Variants in RGL3 observed in about 807,000 individuals in gnomAD.
The protein encoded by RGL3 is ral guanine nucleotide dissociation stimulator-like 3.
A neutral mutation model predicts 90.6 loss-of-function variants in RGL3; 85 were observed. The observed-to-expected ratio is 0.94, with a 90% CI of 0.79 to 1.12. RGL3 has a LOEUF of 1.12. Among genes scored for constraint, RGL3 ranks in the 50% most tolerant of loss-of-function variants. The probability of loss-of-function intolerance (pLI) is 0.00; values close to 1 mark genes in which losing one functional copy is unlikely to be tolerated. For missense variants in RGL3, 1,034 were observed against 939.2 expected (o/e 1.10, Z -1.32); for synonymous variants, 408 against 385.5 (o/e 1.06, Z -0.68).
intron 2 of RGL3, among the ~76,000 whole-genome samples, chr19:11,417,895 G>C (rs370728580): frequency 6.6e-6 from 1 of 152,122 alleles, no homozygotes; most frequent in African/African-American, 2.4e-5. Flanking sequence ...CACAATCATA[G>C]CTCACTGCAG....
In RGL3 at chr19:11,402,527, G is replaced by A; in HGVS notation, c.1257C>T (p.Gly419=). 6.2e-7 allele frequency: 1 copy of A among 1,606,382 alleles called. No individual in the cohort carries two copies. Among genetic ancestry groups the A allele is most frequent in the Admixed American group, 1.8e-5 (1 of 56,754 alleles). ...GGAAGGTGCCAAGGTAGGGGACAGG[G>A]CCTGGGGGTGGTTTCTGCAGCCCCC... The part of the protein sequence containing the change: ...PGSLPSKPPP[G]PVPYLGTFLT... Residue 419 remains glycine (G), a synonymous_variant, in exon 11 of 19, where the codon GGC becomes GGT. Transcript: ENST00000380456.
At chr19:11,417,352 G>A (rs1257266938) in intron 2 of RGL3, among the ~76,000 whole-genome samples, 1 of 150,528 alleles carries the variant, frequency 6.6e-6, no homozygotes, top group Non-Finnish European at 1.5e-5. Flanking sequence ...GTTTCACCAT[G>A]TTGGTCAGAC....
chr19:11,404,555 C>A (rs1376848078), intron 9 of RGL3, among the ~76,000 whole-genome samples: 3 of 150,706 alleles, frequency 2.0e-5, no homozygotes, highest in African/African-American at 7.5e-5. Context: ...AACAAAAAAA[C>A]AAATGATGAC....
At chr19:11,411,042 C>T (rs1968865483) in intron 5 of RGL3, among the ~76,000 whole-genome samples, 1 of 151,796 alleles carries the variant, frequency 6.6e-6, no homozygotes, top group Non-Finnish European at 1.5e-5. Context: ...AACCCCCTCA[C>T]TACTAAAAAT....
At chr19:11,397,706 T>G in intron 16 of RGL3, 109 bp from the exon 17 acceptor site, 1 of 1,144,410 alleles carries the variant, frequency 8.7e-7, no homozygotes, top group Non-Finnish European at 1.2e-6. Context: ...AGCCCCACAT[T>G]TAAAATCTCA....
rs1969010983 is a variant in RGL3, at chr19:11,416,912, T to C, written c.295A>G (p.Thr99Ala). 2 of 1,613,908 alleles carry C rather than the reference T, an allele frequency of 1.2e-6. No individual in the cohort carries two copies. Among genetic ancestry groups the C allele is most frequent in the East Asian group, 4.5e-5 (2 of 44,858 alleles). Reference protein sequence around the residue: ...DPSFMPAFLATYRTFVPTACL... With the variant: ...DPSFMPAFLAAYRTFVPTACL... ...GCAGTGGGTACAAAGGTCCGGTAGG[T>C]GGCCAGGAAGGCGGGCATGAAGCTG... The change falls in exon 3 of 19, where the codon ACC becomes GCC. Residue 99 changes from threonine to alanine, a missense_variant. By Grantham distance (58) the Thr-to-Ala change is moderately conservative. Coordinates refer to ENST00000380456, the MANE Select transcript of RGL3 (RefSeq NM_001035223.4).
intron 5 of RGL3, among the ~76,000 whole-genome samples, chr19:11,409,737 G>A (rs551504913): frequency 3.2e-4 from 49 of 152,166 alleles, no homozygotes; most frequent in Admixed American, 1.4e-3. Flanking sequence ...CTGTGCGTTC[G>A]TTGGTGCTTG....
chr19:11,406,564 GC>G lies in RGL3; in HGVS notation c.850del (p.Ala284LeufsTer18). On this transcript the variant is annotated frameshift_variant, in exon 7 of 19. Transcript: ENST00000380456. LOFTEE classifies it high-confidence loss of function. ...GCGCACAGTGGGGGAGGCGCCTGCA[GC>G]CCCCGGCCGGTCCCTCTGCGACCAC... ...SVWSQRDRPG[A>X]AGASPTVRAT... The G allele has an allele frequency of 1.3e-6, 2 of 1,550,484 alleles. No homozygotes were observed. The highest frequency in any genetic ancestry group is 8.7e-7 in the Non-Finnish European group (1 of 1,147,604).
chr19:11,405,221 A>AT lies in RGL3; in HGVS notation c.1110dup (p.Ser371IlefsTer13). ...ATCTGCGAAAGTTTCCTGAAAGTAG[A>AT]TAGCGGTTCCCTGGAAGGACAGGAG... is the stretch of plus-strand genomic sequence containing the variant. On this transcript the variant is annotated frameshift_variant, in exon 9 of 19. Transcript: ENST00000380456. LOFTEE classifies it high-confidence loss of function. 6.2e-7 allele frequency: 1 copy of AT among 1,614,098 alleles called. No individual in the cohort carries two copies.
intron 5 of RGL3, 130 bp downstream of exon 5, chr19:11,415,807 A>G: frequency 1.2e-6 from 1 of 844,390 alleles, no homozygotes; most frequent in Non-Finnish European, 1.8e-6. Flanking sequence ...GTAAAGATGA[A>G]GAAATTGAGG....
chr19:11,407,030 A>G lies in RGL3; in HGVS notation c.638-166T>C, dbSNP rs555254779. The G allele has an allele frequency of 3.4e-4, 212 of 630,468 alleles. 4 individuals are homozygous for G. The highest frequency in any genetic ancestry group is 2.3e-3 in the South Asian group (108 of 46,148). 39.1% of individuals were successfully genotyped at this position (630,468 alleles called of 1,614,324 possible). A position where few individuals can be genotyped will look rare whatever the true frequency, so the allele number is the denominator to read the frequency against. Reference sequence around the variant, plus strand: ...TGAGACAGTCTTACTCTGTTGCCCAAGCTGGAGTACAATGGCGCAATCTCA... The same window carrying G: ...TGAGACAGTCTTACTCTGTTGCCCAGGCTGGAGTACAATGGCGCAATCTCA... On this transcript the variant is annotated intron_variant, in intron 5 of 18. Coordinates refer to ENST00000380456, the MANE Select transcript of RGL3 (RefSeq NM_001035223.4).
intron 18 of RGL3, among the ~76,000 whole-genome samples, chr19:11,395,930 T>C (rs866391117): frequency 3.5e-4 from 47 of 134,316 alleles, no homozygotes; most frequent in African/African-American, 8.5e-4. Context: ...CCCGGCCCCC[T>C]TTTTTTTTTT....
chr19:11,410,808 G>A (rs1183116878), intron 5 of RGL3, among the ~76,000 whole-genome samples: 3 of 152,016 alleles, frequency 2.0e-5, no homozygotes, highest in Admixed American at 6.6e-5. Flanking sequence ...GAGGTAAGTC[G>A]AAAAGAATGT....
rs781284504 is a variant in RGL3 at position 11,397,495 on chromosome 19, T to C, written c.1849A>G (p.Ile617Val). 6.2e-7 allele frequency: 1 copy of C among 1,613,570 alleles called. No homozygotes were observed. Among genetic ancestry groups the C allele is most frequent in the Non-Finnish European group, 8.5e-7 (1 of 1,179,842 alleles). Residue 617 changes from isoleucine to valine, a missense_variant, in exon 17 of 19, where the codon ATC (isoleucine) becomes GTC (valine). Coordinates refer to ENST00000380456, the MANE Select transcript of RGL3 (RefSeq NM_001035223.4). Reference protein sequence around the residue: ...PAQQSSEARVIRVSIDNDHGN... With the variant: ...PAQQSSEARVVRVSIDNDHGN... Reference sequence around the variant, plus strand: ...TGGTCATTGTCGATGCTGACGCGGATGACACGGGCCTCCGAGCTCTGCTGC... The same window carrying C: ...TGGTCATTGTCGATGCTGACGCGGACGACACGGGCCTCCGAGCTCTGCTGC...
Position 11,394,324 on chromosome 19 carries a change from G to A in RGL3, c.*78C>T, listed in dbSNP as rs1599425744. ...GATACACAGCACAGTGGCCTCTACT[G>A]GGGGATGGCAGCTTTCCAGGAGAAG... On this transcript the variant is annotated 3_prime_UTR_variant, in exon 19 of 19. Coordinates refer to ENST00000380456, the MANE Select transcript of RGL3 (RefSeq NM_001035223.4). The A allele has an allele frequency of 9.1e-7, 1 of 1,097,106 alleles. No individual in the cohort carries two copies. The highest frequency in any genetic ancestry group is 1.4e-6 in the Non-Finnish European group (1 of 710,704). The allele number at this position is 1,097,106 out of a possible 1,614,324, so 68.0% of individuals were successfully genotyped here. A position where few individuals can be genotyped will look rare whatever the true frequency, so the allele number is the denominator to read the frequency against.
intron 2 of RGL3, among the ~76,000 whole-genome samples, chr19:11,417,834 GT>G (rs905362294): frequency 2.0e-5 from 3 of 151,384 alleles, no homozygotes; most frequent in African/African-American, 2.4e-5. Flanking sequence ...GTTTTGGTTT[GT>G]TTTTTTTAGA....
In RGL3 at chr19:11,418,814, A is replaced by G. The variant is rs571176848; in HGVS notation, c.34-30T>C. On this transcript the variant is annotated intron_variant, in intron 1 of 18. Transcript: ENST00000380456. ...ACGCACAGGCGGACTCAGGGCACCAAAGGGGCACAGGTCCTGGGGCCTCAG... is the reference window on the plus strand; with the variant it reads ...ACGCACAGGCGGACTCAGGGCACCAGAGGGGCACAGGTCCTGGGGCCTCAG... The G allele has an allele frequency of 4.7e-5, 71 of 1,517,554 alleles. 1 individual carries two copies. In the South Asian group the frequency reaches 7.8e-4, roughly 17 times the overall value. The allele number at this position is 1,517,554 out of a possible 1,614,324, so 94.0% of individuals were successfully genotyped here.
chr19:11,415,911 C>T (rs371634885), intron 5 of RGL3, 26 bp downstream of exon 5: 20 of 1,588,546 alleles, frequency 1.3e-5, no homozygotes, highest in Non-Finnish European at 1.6e-5. Context: ...CTTCTCAGAA[C>T]ACGACTGGAT....
intron 5 of RGL3, among the ~76,000 whole-genome samples, chr19:11,414,166 T>TATATATATATAC (rs1233469743): frequency 2.7e-5 from 3 of 112,524 alleles, no homozygotes; most frequent in African/African-American, 1.2e-4. Flanking sequence ...TATATATATA[T>TATATATATATAC]ATATATATAT....
Sources: gnomAD v4.1 joint callset for allele counts (sites outside exome capture counted in the v4.1 genomes callset) on GRCh38, gnomAD v4.1.1 for gene constraint, MANE v1.5 for transcripts, NCBI Gene and HGNC (gene_info 2026-07-23, HGNC 2026-07-21) for gene names.